Variants in TBC1D22A observed in about 807,000 individuals in gnomAD.
TBC1D22A encodes putative GTPase activator.
TBC1D22A carries 38 observed loss-of-function variants against 60.2 expected under a neutral mutation model. The ratio of observed to expected loss-of-function variants is 0.63; its 90% CI spans 0.49 to 0.83. TBC1D22A has a LOEUF of 0.83. Ranked by LOEUF, TBC1D22A falls within the 40% of genes least tolerant of loss-of-function variation. TBC1D22A has a pLI of 0.00. For missense variants in TBC1D22A, 628 were observed against 701.0 expected (o/e 0.90, Z 1.18); for synonymous variants, 302 against 281.7 (o/e 1.07, Z -0.72).
At chr22:47,096,310 C>T (rs549353118) in intron 11 of TBC1D22A, among the ~76,000 whole-genome samples, 4 of 152,298 alleles carry the variant, frequency 2.6e-5, no homozygotes, top group African/African-American at 9.6e-5. Flanking sequence ...ACTGGCCTCT[C>T]ACCTGATCCA....
At chr22:47,072,439 A>C (rs750620836) in intron 11 of TBC1D22A, among the ~76,000 whole-genome samples, 2 of 152,242 alleles carry the variant, frequency 1.3e-5, no homozygotes, top group Non-Finnish European at 2.9e-5. Context: ...CTGGGCCTGC[A>C]TTTGGCAGAA....
chr22:47,036,042 A>T (rs2062646474), intron 10 of TBC1D22A, among the ~76,000 whole-genome samples: 1 of 152,112 alleles, frequency 6.6e-6, no homozygotes, highest in Non-Finnish European at 1.5e-5. Flanking sequence ...GATCCCTGTG[A>T]AGTGTTTCGG....
intron 12 of TBC1D22A, among the ~76,000 whole-genome samples, chr22:47,151,651 T>A (rs1379295603): frequency 6.6e-6 from 1 of 152,166 alleles, no homozygotes; most frequent in Non-Finnish European, 1.5e-5. Flanking sequence ...GGCTTCTTCC[T>A]GTGGGGCTCA....
intron 4 of TBC1D22A, among the ~76,000 whole-genome samples, chr22:46,828,599 A>G (rs1293275158): frequency 2.0e-5 from 3 of 152,222 alleles, no homozygotes; most frequent in African/African-American, 7.2e-5. Context: ...AGATCTTGTT[A>G]GAGGCCAGTC....
chr22:46,976,039 A>C (rs1000250205), intron 9 of TBC1D22A, among the ~76,000 whole-genome samples: 3 of 152,166 alleles, frequency 2.0e-5, no homozygotes, highest in African/African-American at 7.2e-5. Context: ...TTTCTGCTAG[A>C]TCTTTCGGCT....
chr22:47,172,432 TA>T (rs2068519029), intron 12 of TBC1D22A, among the ~76,000 whole-genome samples: 1 of 152,234 alleles, frequency 6.6e-6, no homozygotes, highest in South Asian at 2.1e-4. Context: ...GGCGAGATTT[TA>T]AAAATACACA....
chr22:46,968,503 C>T (rs542282114), intron 8 of TBC1D22A, among the ~76,000 whole-genome samples: 3 of 149,334 alleles, frequency 2.0e-5, no homozygotes, highest in Non-Finnish European at 4.5e-5. Context: ...ACTGCGTGGC[C>T]GGCGGTCCTG....
At position 46,895,888 on chromosome 22, in the gene TBC1D22A, C is replaced by G. The variant is rs1602358580; in HGVS notation, c.900+1042C>G. Among the ~76,000 whole-genome samples, 10 of 152,274 alleles carry G rather than the reference C, an allele frequency of 6.6e-5. 2 individuals carry two copies. The highest frequency in any genetic ancestry group is 5.2e-4 in the Admixed American group (8 of 15,302). On this transcript the variant is annotated intron_variant, in intron 7 of 12. Transcript: ENST00000337137. ...TCTCTAAGGCTTTTACAAAGGAGTA[C>G]AATTATTGCATCATTGGGTGTGGTG...
intron 10 of TBC1D22A, among the ~76,000 whole-genome samples, chr22:47,035,766 C>A (rs1427151176): frequency 6.6e-6 from 1 of 152,174 alleles, no homozygotes; most frequent in East Asian, 1.9e-4. Flanking sequence ...TGGAAACCAG[C>A]CCCTGTCCTT....
chr22:46,897,710 C>A (rs771264521), intron 7 of TBC1D22A, among the ~76,000 whole-genome samples: 28 of 147,432 alleles, frequency 1.9e-4, no homozygotes, highest in Non-Finnish European at 3.3e-4. Flanking sequence ...AGGTTACCTG[C>A]CTCCAGACCC....
At chr22:46,959,798 G>A (rs560010275) in intron 8 of TBC1D22A, among the ~76,000 whole-genome samples, 16 of 152,168 alleles carry the variant, frequency 1.1e-4, no homozygotes, top group Non-Finnish European at 1.9e-4. Flanking sequence ...TGTCAGCCTG[G>A]ACTTGGCTTT....
At chr22:46,901,114 A>G (rs2068968058) in intron 7 of TBC1D22A, among the ~76,000 whole-genome samples, 1 of 152,228 alleles carries the variant, frequency 6.6e-6, no homozygotes, top group South Asian at 2.1e-4. Flanking sequence ...AGCCAACTGT[A>G]TATTCCTGAA....
chr22:47,066,412 C>T (rs971294147), intron 11 of TBC1D22A, among the ~76,000 whole-genome samples: 3 of 141,132 alleles, frequency 2.1e-5, no homozygotes, highest in Admixed American at 7.0e-5. Flanking sequence ...CAGGGGAGGT[C>T]GGGAGGGAGG....
intron 8 of TBC1D22A, among the ~76,000 whole-genome samples, chr22:46,959,346 A>T (rs1253495729): frequency 6.6e-6 from 1 of 152,218 alleles, no homozygotes. Flanking sequence ...AGTGTTGTGA[A>T]CAGTGGGTCC....
intron 4 of TBC1D22A, among the ~76,000 whole-genome samples, chr22:46,873,581 C>G (rs1202114916): frequency 6.6e-6 from 1 of 152,074 alleles, no homozygotes. Context: ...TAAAATGTGT[C>G]ATGGGGGTTT....
intron 1 of TBC1D22A, among the ~76,000 whole-genome samples, chr22:46,768,416 C>T (rs1445774464): frequency 7.1e-6 from 1 of 141,606 alleles, no homozygotes; most frequent in Non-Finnish European, 1.5e-5. Context: ...ACACAGGAGG[C>T]AGAGGTTGCA....
chr22:46,865,680 G>C (rs143388847), intron 4 of TBC1D22A, among the ~76,000 whole-genome samples: 2 of 152,310 alleles, frequency 1.3e-5, no homozygotes, highest in South Asian at 4.1e-4. Context: ...ATGTCCACAG[G>C]GGGTAATAAG....
At chr22:47,064,007 G>A (rs77909692) in intron 11 of TBC1D22A, among the ~76,000 whole-genome samples, 3 of 44,652 alleles carry the variant, frequency 6.7e-5, no homozygotes, top group African/African-American at 1.3e-4. Context: ...GAGGACACCC[G>A]TCATTGGATC....
chr22:47,004,009 G>A (rs1023857486), intron 10 of TBC1D22A, among the ~76,000 whole-genome samples: 67 of 120,220 alleles, frequency 5.6e-4, no homozygotes, highest in African/African-American at 2.0e-3. Flanking sequence ...CACACCCTAC[G>A]CACGCATGCC....
Sources: allele counts gnomAD v4.1 joint callset (sites outside exome capture counted in the v4.1 genomes callset), GRCh38; gene constraint gnomAD v4.1.1; transcripts MANE v1.5; gene names NCBI Gene and HGNC (gene_info 2026-07-23, HGNC 2026-07-21).